SNCAIP: variants seen among roughly 807,000 people sequenced by gnomAD.
The protein encoded by SNCAIP is synphilin-1.
Under a neutral mutation model 86.7 loss-of-function variants are expected in SNCAIP, and 43 were observed. The ratio of observed to expected loss-of-function variants is 0.50; its 90% CI spans 0.39 to 0.64. The LOEUF (loss-of-function observed/expected upper bound fraction) is 0.64. Ranked by LOEUF, SNCAIP falls within the 30% of genes least tolerant of loss-of-function variation. The pLI is 0.00. For missense variants in SNCAIP, 981 were observed against 1,103.1 expected, an observed-to-expected ratio of 0.89 and a Z score of 1.57; for synonymous variants, 417 against 427.2, an observed-to-expected ratio of 0.98 and a Z score of 0.29.
At position 122,406,773 on chromosome 5, in the gene SNCAIP, C is replaced by T. The variant is rs367953398; in HGVS notation, c.130+2908C>T. 5.3e-5 allele frequency among the ~76,000 whole-genome samples: 8 copies of T among 152,300 alleles called. 1 individual carries two copies. The highest frequency in any genetic ancestry group is 2.0e-4 in the Admixed American group (3 of 15,296). ...AGCAGAAGCCGCTATGCTTCCTGTA[C>T]AGCCTGCAGAATCATGAGCCAATTA... On this transcript the variant is annotated intron_variant, in intron 3 of 10. Transcript: ENST00000261368.
rs540786845 is a variant in SNCAIP, at chr5:122,396,786, A to G, written c.57+5595A>G. ...TGGCAGTGAGTCCTTGTATTTTGACAGTGATTGATTATTGGCTCACAATTA... is the reference window on the plus strand; with the variant it reads ...TGGCAGTGAGTCCTTGTATTTTGACGGTGATTGATTATTGGCTCACAATTA... On this transcript the variant is annotated intron_variant, in intron 2 of 10. Coordinates refer to ENST00000261368, the MANE Select transcript of SNCAIP (RefSeq NM_005460.4). Among the ~76,000 whole-genome samples, 115 of 152,284 alleles carry G rather than the reference A, an allele frequency of 7.6e-4. 1 individual carries two copies. Among genetic ancestry groups the G allele is most frequent in the South Asian group, 3.1e-3 (15 of 4,822 alleles).
At chr5:122,372,955 A>G (rs1200530690) in intron 1 of SNCAIP, among the ~76,000 whole-genome samples, 1 of 152,190 alleles carries the variant, frequency 6.6e-6, no homozygotes, top group Non-Finnish European at 1.5e-5. Context: ...TAGAGAAACT[A>G]GAAAACCATT....
At chr5:122,311,680 G>A (rs76060771), upstream of SNCAIP, 1,134 of 152,180 alleles carry the variant, frequency 7.5e-3, 29 homozygotes, top group Admixed American at 0.032. Context: ...GGGGTGGGGG[G>A]CAGGAGGAGA....
chr5:122,386,714 CCTCT>C (rs1269333698), intron 1 of SNCAIP, among the ~76,000 whole-genome samples: 2 of 152,076 alleles, frequency 1.3e-5, no homozygotes, highest in African/African-American at 2.4e-5. Context: ...TTCTTCTTTC[CCTCT>C]CTATCAGTTT....
chr5:122,391,344 TG>T (rs1769308099), intron 2 of SNCAIP, among the ~76,000 whole-genome samples, 153 bp downstream of exon 2: 1 of 152,186 alleles, frequency 6.6e-6, no homozygotes, highest in Non-Finnish European at 1.5e-5. Context: ...CGGTGTGGTT[TG>T]GGGGGATCTC....
intron 1 of SNCAIP, among the ~76,000 whole-genome samples, chr5:122,330,510 G>T (rs1169956407): frequency 6.6e-6 from 1 of 152,132 alleles, no homozygotes; most frequent in African/African-American, 2.4e-5. Flanking sequence ...TTGTAGATGT[G>T]TTATAACAGA....
Position 122,423,259 on chromosome 5 carries a change from A to G in SNCAIP, c.522A>G (p.Glu174=). ...CCTCTTTTACCAAGGTGACTTCAGA[A>G]AAAAGAATTTTGGGCTTATGCACAA... ...QLASFTKVTS[E]KRILGLCTTI... is the part of the protein sequence containing the mutation. The change falls in exon 4 of 11, where the codon GAA becomes GAG. Residue 174 remains glutamate, a synonymous_variant. Coordinates refer to ENST00000261368, the MANE Select transcript of SNCAIP (RefSeq NM_005460.4). 1 of 1,614,204 alleles carries G rather than the reference A, an allele frequency of 6.2e-7. No individual in the cohort carries two copies.
At chr5:122,350,526 T>G (rs907678095) in intron 1 of SNCAIP, among the ~76,000 whole-genome samples, 27 of 151,990 alleles carry the variant, frequency 1.8e-4, no homozygotes, top group African/African-American at 5.8e-4. Flanking sequence ...TTGTTTTTTT[T>G]TTTTAATCAA....
chr5:122,386,608 G>A (rs1329046519), intron 1 of SNCAIP, among the ~76,000 whole-genome samples: 2 of 152,128 alleles, frequency 1.3e-5, no homozygotes, highest in African/African-American at 4.8e-5. Flanking sequence ...AGTGCTGTGG[G>A]CACATCCAAA....
chr5:122,383,282 C>T (rs559311382), intron 1 of SNCAIP, among the ~76,000 whole-genome samples: 14 of 152,306 alleles, frequency 9.2e-5, no homozygotes, highest in African/African-American at 2.2e-4. Context: ...GCTCAATATT[C>T]GGGTGGGAGT....
At chr5:122,369,187 T>A (rs961429217) in intron 1 of SNCAIP, among the ~76,000 whole-genome samples, 2 of 152,196 alleles carry the variant, frequency 1.3e-5, no homozygotes, top group Non-Finnish European at 2.9e-5. Context: ...CATTACATAC[T>A]CAATTTAAAG....
intron 1 of SNCAIP, among the ~76,000 whole-genome samples, chr5:122,340,483 A>G (rs1441510637): frequency 6.6e-6 from 1 of 152,170 alleles, no homozygotes; most frequent in Non-Finnish European, 1.5e-5. Context: ...TTCCAATACA[A>G]ACTTCTCTGT....
intron 2 of SNCAIP, chr5:122,401,269 T>C: frequency 1.2e-6 from 1 of 836,398 alleles, no homozygotes; most frequent in Non-Finnish European, 1.8e-6. Context: ...CATTTGCTCA[T>C]TCCCAAATTT....
At chr5:122,454,430 T>C (rs1784304413) in intron 10 of SNCAIP, 1 of 152,700 alleles carries the variant, frequency 6.5e-6, no homozygotes, top group Non-Finnish European at 1.5e-5. Context: ...CAGGCTCACA[T>C]GTTGCCAGAA....
At chr5:122,446,156 T>C (rs1195461698) in intron 8 of SNCAIP, among the ~76,000 whole-genome samples, 1 of 152,120 alleles carries the variant, frequency 6.6e-6, no homozygotes, top group East Asian at 1.9e-4. Context: ...GAACACACTG[T>C]GCAAATGCCT....
intron 1 of SNCAIP, among the ~76,000 whole-genome samples, chr5:122,365,611 G>A (rs575906949): frequency 2.0e-5 from 3 of 152,182 alleles, no homozygotes; most frequent in African/African-American, 7.2e-5. Context: ...CCTGTGAGGC[G>A]GAGATTGCAG....
chr5:122,428,784 C>T (rs956979254), intron 5 of SNCAIP, among the ~76,000 whole-genome samples: 4 of 151,638 alleles, frequency 2.6e-5, no homozygotes, highest in South Asian at 2.1e-4. Flanking sequence ...TGATGTTCCC[C>T]GCCTGTGTCC....
chr5:122,461,965 G>A (rs759356400), intron 10 of SNCAIP, among the ~76,000 whole-genome samples: 6 of 152,102 alleles, frequency 3.9e-5, no homozygotes, highest in Non-Finnish European at 2.9e-5. Context: ...CACCATGCCC[G>A]GCTTTTATAG....
At chr5:122,454,947 T>C (rs969796151) in intron 10 of SNCAIP, among the ~76,000 whole-genome samples, 1 of 152,190 alleles carries the variant, frequency 6.6e-6, no homozygotes, top group Non-Finnish European at 1.5e-5. Flanking sequence ...AGTTATCTGA[T>C]GCTAGGTTAA....
Sources: gnomAD v4.1 joint callset for allele counts (sites outside exome capture counted in the v4.1 genomes callset) on GRCh38, gnomAD v4.1.1 for gene constraint, MANE v1.5 for transcripts, NCBI Gene and HGNC (gene_info 2026-07-23, HGNC 2026-07-21) for gene names.